The following SPG11 variants were observed in gnomAD, a reference collection of about 807,000 sequenced individuals.
The protein encoded by SPG11 is spatacsin.
SPG11 carries 222 observed loss-of-function variants against 274.0 expected under a neutral mutation model. That is an observed-to-expected ratio of 0.81 (90% CI 0.73 to 0.91). The LOEUF is 0.91. SPG11 is among the 40% of genes least tolerant of loss of function. SPG11 has a pLI of 0.00. For missense variants in SPG11, 3,114 were observed against 2,872.7 expected (o/e 1.08, Z -1.92); for synonymous variants, 1,144 against 1,039.7 (o/e 1.10, Z -1.93).
chr15:44,600,843 A>G (rs1484228234), intron 20 of SPG11, among the ~76,000 whole-genome samples: 2 of 152,192 alleles, frequency 1.3e-5, no homozygotes, highest in African/African-American at 4.8e-5. Context: ...GAGAAGTTGC[A>G]TAAAAACTCT....
At chr15:44,624,523 G>C (rs1435020569) in intron 11 of SPG11, among the ~76,000 whole-genome samples, 2 of 152,130 alleles carry the variant, frequency 1.3e-5, no homozygotes, top group African/African-American at 4.8e-5. Context: ...CAAGGACTGT[G>C]GGGTAGGGGA....
At chr15:44,618,756 C>G (rs1431514610) in intron 15 of SPG11, among the ~76,000 whole-genome samples, 1 of 151,360 alleles carries the variant, frequency 6.6e-6, no homozygotes, top group Non-Finnish European at 1.5e-5. Context: ...GAAGGCAGAG[C>G]TTGTAGTGAG....
chr15:44,638,468 A>G (rs1413496756), intron 7 of SPG11, among the ~76,000 whole-genome samples: 59 of 150,682 alleles, frequency 3.9e-4, no homozygotes, highest in Non-Finnish European at 2.2e-4. Flanking sequence ...CTCAAAACAA[A>G]CAAACAAACA....
At chr15:44,638,502 C>T in intron 7 of SPG11, among the ~76,000 whole-genome samples, 1 of 62,440 alleles carries the variant, frequency 1.6e-5, no homozygotes, top group East Asian at 8.7e-4. Flanking sequence ...ACCACAAAAC[C>T]CCCCCCCCCA....
chr15:44,661,994 T>G (rs1326895993), intron 1 of SPG11, among the ~76,000 whole-genome samples: 1 of 152,180 alleles, frequency 6.6e-6, no homozygotes, highest in Admixed American at 6.5e-5. Flanking sequence ...GAACGCCCCC[T>G]TTATTTCATC....
At chr15:44,612,088 C>G (rs371899467) in intron 17 of SPG11, among the ~76,000 whole-genome samples, 31 of 152,248 alleles carry the variant, frequency 2.0e-4, no homozygotes, top group African/African-American at 7.2e-4. Context: ...GGATTACAGG[C>G]ATGAGCCACT....
chr15:44,651,382 AATTAC>A (rs1185616992), intron 6 of SPG11, 104 bp downstream of exon 6: 1 of 953,076 alleles, frequency 1.0e-6, no homozygotes, highest in East Asian at 2.6e-5. Flanking sequence ...CTCTATAAAC[AATTAC>A]AATACCACTT....
At chr15:44,602,400 G>C (rs555050609) in intron 20 of SPG11, among the ~76,000 whole-genome samples, 141 of 151,710 alleles carry the variant, frequency 9.3e-4, no homozygotes, top group Non-Finnish European at 1.7e-3. Context: ...TGCCTAATTT[G>C]TTGAGAGTTT....
At chr15:44,621,436 C>T (rs1595890159) in intron 14 of SPG11, 3 of 324,100 alleles carry the variant, frequency 9.3e-6, no homozygotes, top group Non-Finnish European at 1.8e-5. Flanking sequence ...CCCAGATCCC[C>T]CATATCAGAT....
intron 1 of SPG11, among the ~76,000 whole-genome samples, chr15:44,662,633 G>A (rs1454742255): frequency 5.0e-5 from 7 of 139,678 alleles, no homozygotes; most frequent in African/African-American, 1.6e-4. Flanking sequence ...CAGCCTGGGC[G>A]ACAGCGACCT....
intron 7 of SPG11, among the ~76,000 whole-genome samples, chr15:44,643,096 G>A (rs2084501686): frequency 6.6e-6 from 1 of 152,112 alleles, no homozygotes; most frequent in Admixed American, 6.6e-5. Context: ...AAGCAATGTT[G>A]TATATACAAT....
chr15:44,584,310 G>A lies in SPG11; in HGVS notation c.5370C>T (p.Pro1790=), dbSNP rs753429717. Residue 1790 remains proline (P), a synonymous_variant, in exon 30 of 40, where the codon CCC becomes CCT. Transcript: ENST00000261866. The part of the protein sequence containing the change: ...GHWLAQEDVV[P]LDKLEELEKQ... The stretch of plus-strand genomic sequence containing the variant: ...TCTCCAGCTCCTCCAGCTTATCCAA[G>A]GGCACCACGTCCTCCTGGGCAAGCC... 1.2e-6 allele frequency: 2 copies of A among 1,611,850 alleles called. No homozygotes were observed. Among genetic ancestry groups the A allele is most frequent in the African/African-American group, 2.7e-5 (2 of 74,794 alleles).
intron 7 of SPG11, among the ~76,000 whole-genome samples, chr15:44,636,060 C>A (rs1178129711): frequency 6.6e-6 from 1 of 152,098 alleles, no homozygotes; most frequent in Non-Finnish European, 1.5e-5. Flanking sequence ...AGGGGCCTGA[C>A]AATTTGCATT....
chr15:44,651,792 G>A lies in SPG11; in HGVS notation c.1155C>T (p.Ala385=), dbSNP rs771438987. The A allele has an allele frequency of 2.5e-6, 4 of 1,614,096 alleles. No homozygotes were observed. The highest frequency in any genetic ancestry group is 3.4e-6 in the Non-Finnish European group (4 of 1,180,040). Residue 385 remains alanine, a synonymous_variant, in exon 6 of 40, where the codon GCC becomes GCT. Transcript: ENST00000261866. ...CATGCATTATGTCCTGTGGAATGAA[G>A]GCCCAGCTCTGCACACTTGTACTGT... ...GNHSTSVQSW[A]FIPQDIMHGQ... is the part of the protein sequence containing the mutation.
intron 39 of SPG11, among the ~76,000 whole-genome samples, chr15:44,563,709 G>C (rs145155408): frequency 8.4e-4 from 127 of 151,898 alleles, no homozygotes; most frequent in Non-Finnish European, 1.7e-3. Flanking sequence ...TGGTTTTTCA[G>C]AGTGTGAACT....
At chr15:44,623,156 C>T (rs531965934) in intron 11 of SPG11, among the ~76,000 whole-genome samples, 12 of 152,176 alleles carry the variant, frequency 7.9e-5, no homozygotes, top group African/African-American at 2.9e-4. Context: ...TTCCTGTTGC[C>T]CAGGCTGGTC....
intron 7 of SPG11, among the ~76,000 whole-genome samples, chr15:44,638,473 C>T (rs1378465402): frequency 6.8e-6 from 1 of 147,786 alleles, no homozygotes; most frequent in Non-Finnish European, 1.5e-5. Context: ...AACAAACAAA[C>T]AAACAAACAA....
intron 18 of SPG11, among the ~76,000 whole-genome samples, chr15:44,609,447 TTTCCCTC>T (rs1239620980): frequency 6.6e-6 from 1 of 151,908 alleles, no homozygotes; most frequent in Admixed American, 6.6e-5. Flanking sequence ...ACATTCTTAA[TTTCCCTC>T]TAAACAGGCC....
intron 30 of SPG11, among the ~76,000 whole-genome samples, chr15:44,579,319 G>A (rs1567135613): frequency 1.3e-5 from 2 of 151,716 alleles, no homozygotes; most frequent in Non-Finnish European, 2.9e-5. Flanking sequence ...GCAGTCAGGC[G>A]TTTGAGAGCA....
Sources: allele counts gnomAD v4.1 joint callset (sites outside exome capture counted in the v4.1 genomes callset), GRCh38; gene constraint gnomAD v4.1.1; transcripts MANE v1.5; gene names NCBI Gene and HGNC (gene_info 2026-07-23, HGNC 2026-07-21).